Variants in TNFSF4 observed in about 807,000 individuals in gnomAD.
TNFSF4 encodes TNF superfamily member 4.
A neutral mutation model predicts 7.3 loss-of-function variants in TNFSF4; 4 were observed. The observed-to-expected ratio is 0.55, with a 90% CI of 0.27 to 1.25. The LOEUF (loss-of-function observed/expected upper bound fraction) is 1.25, where lower values mean the gene tolerates loss of function less well. Ranked by LOEUF, TNFSF4 falls within the 50% of genes most tolerant of loss-of-function variation. TNFSF4 has a pLI of 0.12. For synonymous variants in TNFSF4, 76 were observed against 83.7 expected, an observed-to-expected ratio of 0.91 and a Z score of 0.50; for missense variants, 181 against 208.8, an observed-to-expected ratio of 0.87 and a Z score of 0.82.
At chr1:173,448,107 A>G in the TNFSF4 span, among the ~76,000 whole-genome samples, 12,177 of 152,248 alleles carry the variant, frequency 0.08, 741 homozygotes, top group East Asian at 0.28. Flanking sequence ...ACCTATTAAG[A>G]GAAGTTCCAA....
the TNFSF4 span, among the ~76,000 whole-genome samples, chr1:173,375,928 T>TA: frequency 1.6e-3 from 243 of 152,252 alleles, 5 homozygotes; most frequent in South Asian, 0.047. Flanking sequence ...GTTCCATTCT[T>TA]AAAGTCAGTG....
At chr1:173,288,687 A>T in the TNFSF4 span, among the ~76,000 whole-genome samples, 1 of 152,106 alleles carries the variant, frequency 6.6e-6, no homozygotes, top group Non-Finnish European at 1.5e-5. Context: ...CAAAATAAAT[A>T]AAAAAATTAA....
the TNFSF4 span, among the ~76,000 whole-genome samples, chr1:173,388,182 C>T: frequency 6.6e-6 from 1 of 152,210 alleles, no homozygotes; most frequent in Admixed American, 6.5e-5. Context: ...ATTAGTTTCC[C>T]TTCTAAAGCT....
At chr1:173,376,939 C>T in the TNFSF4 span, among the ~76,000 whole-genome samples, 8 of 152,210 alleles carry the variant, frequency 5.3e-5, no homozygotes, top group South Asian at 1.0e-3. Flanking sequence ...CAACTCCGGA[C>T]GCACCACTTT....
chr1:173,204,601 C>T (rs2102001302), intron 1 of TNFSF4, among the ~76,000 whole-genome samples: 1 of 152,164 alleles, frequency 6.6e-6, no homozygotes, highest in East Asian at 1.9e-4. Flanking sequence ...TTCCCAAAAA[C>T]CTTTCTCTCA....
chr1:173,448,248 G>A, the TNFSF4 span, among the ~76,000 whole-genome samples: 4 of 152,192 alleles, frequency 2.6e-5, no homozygotes, highest in Middle Eastern at 3.4e-3. Context: ...CCCAAACAAC[G>A]TTATGTCCAG....
chr1:173,247,613 A>G, the TNFSF4 span, among the ~76,000 whole-genome samples: 1 of 152,306 alleles, frequency 6.6e-6, no homozygotes, highest in East Asian at 1.9e-4. Flanking sequence ...TCTCTGACCC[A>G]GTTTGGCATT....
At chr1:173,200,678 A>C (rs969251628) in intron 1 of TNFSF4, among the ~76,000 whole-genome samples, 8 of 152,126 alleles carry the variant, frequency 5.3e-5, no homozygotes, top group Non-Finnish European at 7.4e-5. Context: ...TTGTCATTCC[A>C]TCTTGATCTT....
chr1:173,381,253 C>T, the TNFSF4 span, among the ~76,000 whole-genome samples: 2 of 152,206 alleles, frequency 1.3e-5, no homozygotes, highest in African/African-American at 4.8e-5. Context: ...GACCTCCTCA[C>T]TGCTGAGAAA....
chr1:173,206,910 GA>G (rs1161952048), intron 1 of TNFSF4, 113 bp downstream of exon 1: 19 of 1,253,544 alleles, frequency 1.5e-5, no homozygotes, highest in Middle Eastern at 2.9e-4. Context: ...TGGGGAGAGG[GA>G]AAAAAAACTC....
chr1:173,403,816 C>T, the TNFSF4 span, among the ~76,000 whole-genome samples: 4 of 151,600 alleles, frequency 2.6e-5, 1 homozygote, highest in South Asian at 8.3e-4. Context: ...GCAAGAGAAT[C>T]ACTTGAACCC....
the TNFSF4 span, among the ~76,000 whole-genome samples, chr1:173,238,924 G>C: frequency 2.0e-5 from 3 of 152,124 alleles, no homozygotes; most frequent in Non-Finnish European, 2.9e-5. Flanking sequence ...CAGGGGGATA[G>C]AGAACAAAAT....
the TNFSF4 span, among the ~76,000 whole-genome samples, chr1:173,281,552 C>A: frequency 6.6e-6 from 1 of 152,232 alleles, no homozygotes; most frequent in South Asian, 2.1e-4. Flanking sequence ...TTGAATATCC[C>A]TTTAAATTAT....
At chr1:173,439,987 T>C in the TNFSF4 span, among the ~76,000 whole-genome samples, 1 of 152,204 alleles carries the variant, frequency 6.6e-6, no homozygotes, top group East Asian at 1.9e-4. Context: ...AACCCTGGAG[T>C]GTCTGGCTCC....
chr1:173,390,737 C>CT, the TNFSF4 span, among the ~76,000 whole-genome samples: 6,445 of 131,560 alleles, frequency 0.049, 287 homozygotes, highest in African/African-American at 0.13. Context: ...CATTCTGCTT[C>CT]TTTTTTTTTT....
the TNFSF4 span, among the ~76,000 whole-genome samples, chr1:173,302,648 G>GAA: frequency 6.6e-6 from 1 of 151,804 alleles, no homozygotes; most frequent in African/African-American, 2.4e-5. Context: ...TGGCTTCCAA[G>GAA]AAATGATCAA....
At chr1:173,403,761 G>C in the TNFSF4 span, among the ~76,000 whole-genome samples, 1 of 152,112 alleles carries the variant, frequency 6.6e-6, no homozygotes, top group Non-Finnish European at 1.5e-5. Flanking sequence ...AATTAGCTGG[G>C]TGTGGTGGCG....
the TNFSF4 span, among the ~76,000 whole-genome samples, chr1:173,229,247 T>C: frequency 6.6e-6 from 1 of 152,114 alleles, no homozygotes; most frequent in Non-Finnish European, 1.5e-5. Context: ...GCAGAAACAA[T>C]ACAAGCCAGA....
At chr1:173,427,270 A>G in the TNFSF4 span, among the ~76,000 whole-genome samples, 1 of 152,134 alleles carries the variant, frequency 6.6e-6, no homozygotes, top group African/African-American at 2.4e-5. Flanking sequence ...TCAACCAGGG[A>G]TGATTTTTCC....
Sources: allele counts gnomAD v4.1 joint callset (sites outside exome capture counted in the v4.1 genomes callset), GRCh38; gene constraint gnomAD v4.1.1; transcripts MANE v1.5; gene names NCBI Gene and HGNC (gene_info 2026-07-23, HGNC 2026-07-21).